PPFIA2: variants seen among roughly 807,000 people sequenced by gnomAD.
PPFIA2 encodes the protein PPFI scaffold protein A2, also known as liprin-alpha-2.
In PPFIA2, 46 loss-of-function variants were observed where a neutral mutation model predicts 175.5. The observed-to-expected ratio is 0.26, with a 90% CI of 0.21 to 0.34. The LOEUF is 0.34. Ranked by LOEUF, PPFIA2 falls within the 10% of genes least tolerant of loss-of-function variation. The pLI, the probability that PPFIA2 is intolerant of heterozygous loss-of-function variation, is 1.00. For missense variants in PPFIA2, 1,179 were observed against 1,506.1 expected (o/e 0.78, Z 3.60); for synonymous variants, 568 against 511.4 (o/e 1.11, Z -1.49).
intron 24 of PPFIA2, among the ~76,000 whole-genome samples, chr12:81,290,479 CAACTT>C (rs1382899105): frequency 1.1e-4 from 17 of 151,850 alleles, no homozygotes; most frequent in Non-Finnish European, 1.3e-4. Flanking sequence ...CCTAGAGACA[CAACTT>C]AACTTGTCTC....
intron 4 of PPFIA2, among the ~76,000 whole-genome samples, chr12:81,644,955 T>C (rs925189890): frequency 3.6e-5 from 1 of 27,544 alleles, no homozygotes; most frequent in Non-Finnish European, 7.1e-5. Flanking sequence ...AGAAAATGCA[T>C]AGTAGCCATA....
At chr12:81,619,219 G>C (rs1038238631) in intron 4 of PPFIA2, among the ~76,000 whole-genome samples, 5 of 152,168 alleles carry the variant, frequency 3.3e-5, no homozygotes, top group African/African-American at 1.2e-4. Flanking sequence ...ATTGGCAAAT[G>C]TGCCTTTTAT....
chr12:81,474,497 G>A (rs1220553713), intron 4 of PPFIA2, among the ~76,000 whole-genome samples: 1 of 152,028 alleles, frequency 6.6e-6, no homozygotes, highest in African/African-American at 2.4e-5. Context: ...TCACCATGCT[G>A]GCTCCACTGG....
At chr12:81,377,830 A>T (rs966605928) in intron 9 of PPFIA2, among the ~76,000 whole-genome samples, 5 of 152,138 alleles carry the variant, frequency 3.3e-5, no homozygotes, top group African/African-American at 1.2e-4. Flanking sequence ...TCCTTACTTC[A>T]GTGTACTGGG....
chr12:81,735,167 T>G (rs1263242996), intron 3 of PPFIA2, among the ~76,000 whole-genome samples: 1 of 151,846 alleles, frequency 6.6e-6, no homozygotes, highest in African/African-American at 2.4e-5. Flanking sequence ...GGAGTAAATT[T>G]TTTTAATTAA....
chr12:81,607,903 T>C (rs996028473), intron 4 of PPFIA2, among the ~76,000 whole-genome samples: 1 of 152,044 alleles, frequency 6.6e-6, no homozygotes. Flanking sequence ...TAGTTTTTGC[T>C]CATTCAGTAT....
chr12:81,637,394 G>A (rs562899152), intron 4 of PPFIA2, among the ~76,000 whole-genome samples: 12 of 151,248 alleles, frequency 7.9e-5, no homozygotes, highest in African/African-American at 2.2e-4. Context: ...ATGAGCCACC[G>A]TGCCCAGCCA....
chr12:81,306,029 C>A (rs567024256), intron 22 of PPFIA2, among the ~76,000 whole-genome samples: 5 of 152,228 alleles, frequency 3.3e-5, no homozygotes, highest in African/African-American at 9.6e-5. Context: ...GTATGACTGT[C>A]CAAATACCAT....
chr12:81,467,062 T>C (rs1243651859), intron 4 of PPFIA2, among the ~76,000 whole-genome samples: 3 of 151,568 alleles, frequency 2.0e-5, no homozygotes, highest in Admixed American at 6.6e-5. Context: ...AAGGCACTAA[T>C]ACTGAAACTA....
intron 4 of PPFIA2, among the ~76,000 whole-genome samples, chr12:81,517,325 G>A (rs2062587660): frequency 6.6e-6 from 1 of 152,046 alleles, no homozygotes; most frequent in African/African-American, 2.4e-5. Flanking sequence ...CTCTTCCAAA[G>A]TTAGGAAGTC....
chr12:81,562,846 CAAAAAAAAA>C (rs11475809), intron 4 of PPFIA2, among the ~76,000 whole-genome samples: 8 of 29,588 alleles, frequency 2.7e-4, no homozygotes, highest in South Asian at 2.0e-3. Flanking sequence ...GACTCTGTCT[CAAAAAAAAA>C]AAAAAAAAAA....
chr12:81,668,195 T>C (rs1307750876), intron 4 of PPFIA2, among the ~76,000 whole-genome samples: 1 of 152,088 alleles, frequency 6.6e-6, no homozygotes, highest in Non-Finnish European at 1.5e-5. Flanking sequence ...TATTAATTCT[T>C]AATACTGGAT....
intron 21 of PPFIA2, among the ~76,000 whole-genome samples, chr12:81,337,521 GACTTTA>G (rs2057323598): frequency 6.6e-6 from 1 of 152,036 alleles, no homozygotes; most frequent in Non-Finnish European, 1.5e-5. Flanking sequence ...TACTTTTCTA[GACTTTA>G]ACTTATATCT....
intron 12 of PPFIA2, 29 bp downstream of exon 12, chr12:81,369,082 T>G: frequency 2.6e-6 from 4 of 1,518,282 alleles, no homozygotes; most frequent in Non-Finnish European, 3.6e-6. Context: ...AACCAATGAT[T>G]GGGGGGTAAT....
intron 4 of PPFIA2, among the ~76,000 whole-genome samples, chr12:81,528,436 A>C (rs1337993451): frequency 6.6e-6 from 1 of 152,104 alleles, no homozygotes; most frequent in East Asian, 1.9e-4. Flanking sequence ...AATTTATTTC[A>C]AACCTGGCTG....
At chr12:81,488,636 C>A (rs1290309489) in intron 4 of PPFIA2, among the ~76,000 whole-genome samples, 2 of 151,766 alleles carry the variant, frequency 1.3e-5, no homozygotes, top group Non-Finnish European at 2.9e-5. Context: ...CTCTTCCTTG[C>A]CCTGTCTATT....
At chr12:81,617,382 T>C (rs1860395378) in intron 4 of PPFIA2, among the ~76,000 whole-genome samples, 1 of 152,244 alleles carries the variant, frequency 6.6e-6, no homozygotes, top group African/African-American at 2.4e-5. Context: ...CACTAGTCTG[T>C]AGATCTTTTG....
chr12:81,267,589 C>T (rs1189020800), intron 29 of PPFIA2, among the ~76,000 whole-genome samples: 1 of 152,084 alleles, frequency 6.6e-6, no homozygotes, highest in Non-Finnish European at 1.5e-5. Context: ...ATAATTCATA[C>T]ATGTAAATAG....
intron 3 of PPFIA2, among the ~76,000 whole-genome samples, chr12:81,717,869 A>C (rs60831070): frequency 2.0e-4 from 31 of 151,618 alleles, no homozygotes; most frequent in Non-Finnish European, 8.9e-5. Context: ...AAAACATAAA[A>C]AAAAACCTAA....
Sources: gnomAD v4.1 joint callset for allele counts (sites outside exome capture counted in the v4.1 genomes callset) on GRCh38, gnomAD v4.1.1 for gene constraint, MANE v1.5 for transcripts, NCBI Gene and HGNC (gene_info 2026-07-23, HGNC 2026-07-21) for gene names.